RNF144B: variants seen among roughly 807,000 people sequenced by gnomAD.
RNF144B encodes E3 ubiquitin-protein ligase RNF144B.
A neutral mutation model predicts 40.2 loss-of-function variants in RNF144B; 25 were observed. That is an observed-to-expected ratio of 0.62 (90% confidence interval 0.45 to 0.87). The LOEUF (loss-of-function observed/expected upper bound fraction) is 0.87, where lower values mean the gene tolerates loss of function less well. RNF144B is among the 40% of genes least tolerant of loss of function. The probability of loss-of-function intolerance (pLI) is 0.00; values close to 1 mark genes in which losing one functional copy is unlikely to be tolerated. For synonymous variants in RNF144B, 145 were observed against 136.3 expected (o/e 1.06, Z -0.44); for missense variants, 365 against 373.7 (o/e 0.98, Z 0.19).
chr6:18,461,113 T>C (rs67804672), intron 6 of RNF144B, among the ~76,000 whole-genome samples: 2,656 of 152,238 alleles, frequency 0.017, 38 homozygotes, highest in Middle Eastern at 0.027. Context: ...TGATGTTTAA[T>C]GGAAAACTAG....
rs528405740 is a variant in RNF144B at position 18,465,290 on chromosome 6, A to G, written c.*223A>G. The G allele has an allele frequency of 4.6e-5, 26 of 559,534 alleles. No homozygotes were observed. The highest frequency in any genetic ancestry group is 7.6e-5 in the Non-Finnish European group (24 of 314,828). 34.7% of individuals were successfully genotyped at this position (559,534 alleles called of 1,614,324 possible). On this transcript the variant is annotated 3_prime_UTR_variant, in exon 8 of 8. Transcript: ENST00000259939. ...TGGGCTCAACGGTCCAGCTGTTTCT[A>G]TGGAGCTTTGGGGTTCCTTGAGATG...
chr6:18,449,420 A>G (rs1759158708), intron 4 of RNF144B, among the ~76,000 whole-genome samples: 1 of 152,184 alleles, frequency 6.6e-6, no homozygotes, highest in African/African-American at 2.4e-5. Flanking sequence ...TTTTCTTTAA[A>G]AATTATAAAG....
chr6:18,398,764 A>G lies in RNF144B; in HGVS notation c.-36-735A>G, dbSNP rs906410740. Among the ~76,000 whole-genome samples the G allele has an allele frequency of 6.6e-6, 1 of 152,178 alleles. No homozygotes were observed. On this transcript the variant is annotated intron_variant, in intron 1 of 7. Coordinates refer to ENST00000259939, the MANE Select transcript of RNF144B (RefSeq NM_182757.4). This position sits in a 1 kb window ranked among gnomAD's most constrained non-coding sequence, Gnocchi z 5.0. ...TATTGTGAATAATGTTGCTATGAATATGGGTGTACAAATATCTCTTTGAGA... is the reference window on the plus strand; with the variant it reads ...TATTGTGAATAATGTTGCTATGAATGTGGGTGTACAAATATCTCTTTGAGA...
rs1239844177 is a variant in RNF144B, at chr6:18,448,114, G to A, written c.331+8370G>A. Among the ~76,000 whole-genome samples the A allele has an allele frequency of 6.6e-6, 1 of 152,098 alleles. No individual in the cohort carries two copies. Among genetic ancestry groups the A allele is most frequent in the African/African-American group, 2.4e-5 (1 of 41,406 alleles). On this transcript the variant is annotated intron_variant, in intron 4 of 7. Coordinates refer to ENST00000259939, the MANE Select transcript of RNF144B (RefSeq NM_182757.4). The surrounding 1 kb of genome is among the most constrained non-coding windows in gnomAD (Gnocchi z 4.0). ...CTATGAGAAGAAAAATGGGTGCAGTGAATATATTAACTCTTTCAAGGAGTG... is the reference window on the plus strand; with the variant it reads ...CTATGAGAAGAAAAATGGGTGCAGTAAATATATTAACTCTTTCAAGGAGTG...
Position 18,468,772 on chromosome 6 carries a change from T to C in RNF144B, c.*3705T>C, listed in dbSNP as rs1049647414. On this transcript the variant is annotated 3_prime_UTR_variant, in exon 8 of 8. Coordinates refer to ENST00000259939, the MANE Select transcript of RNF144B (RefSeq NM_182757.4). Reference sequence around the variant, plus strand: ...TGTTGATTCATGATCCAGGAAGTTTTATGTATTTAAAAAATTGCTATCGTG... The same window carrying C: ...TGTTGATTCATGATCCAGGAAGTTTCATGTATTTAAAAAATTGCTATCGTG... The C allele has an allele frequency of 1.3e-5, 2 of 152,236 alleles. No homozygotes were observed. The highest frequency in any genetic ancestry group is 4.8e-5 in the African/African-American group (2 of 41,466). The allele number at this position is 152,236 out of a possible 1,614,324, so 9.4% of individuals were successfully genotyped here.
Position 18,395,609 on chromosome 6 carries a change from A to G in RNF144B, c.-36-3890A>G, listed in dbSNP as rs1794677436. Among the ~76,000 whole-genome samples the G allele has an allele frequency of 6.6e-6, 1 of 150,926 alleles. No individual in the cohort carries two copies. The highest frequency in any genetic ancestry group is 1.5e-5 in the Non-Finnish European group (1 of 67,794). On this transcript the variant is annotated intron_variant, in intron 1 of 7. Transcript: ENST00000259939. This position sits in a 1 kb window ranked among gnomAD's most constrained non-coding sequence, Gnocchi z 4.5. ...TTTTTTTAAATGAAGTGCTCACTGC[A>G]TTTCATTCATTTTTTTAACTATCCA...
At position 18,418,855 on chromosome 6, in the gene RNF144B, T is replaced by C. The variant is rs1795198314; in HGVS notation, c.166-8726T>C. Among the ~76,000 whole-genome samples, 1 of 152,150 alleles carries C rather than the reference T, an allele frequency of 6.6e-6. No individual in the cohort carries two copies. Among genetic ancestry groups the C allele is most frequent in the South Asian group, 2.1e-4 (1 of 4,818 alleles). ...TAATATACACTGACACCTGGATCCT[T>C]CTCTTAGAGAGTCTGAATTAATTGG... On this transcript the variant is annotated intron_variant, in intron 2 of 7. Coordinates refer to ENST00000259939, the MANE Select transcript of RNF144B (RefSeq NM_182757.4). This position sits in a 1 kb window ranked among gnomAD's most constrained non-coding sequence, Gnocchi z 5.2.
intron 1 of RNF144B, among the ~76,000 whole-genome samples, chr6:18,392,815 C>A (rs1794611776): frequency 6.6e-6 from 1 of 152,096 alleles, no homozygotes; most frequent in Non-Finnish European, 1.5e-5. Context: ...TAATCTATTT[C>A]ATTTTTTCAA....
intron 2 of RNF144B, among the ~76,000 whole-genome samples, chr6:18,413,608 G>A (rs1562045023): frequency 6.6e-6 from 1 of 152,150 alleles, no homozygotes; most frequent in Non-Finnish European, 1.5e-5. Context: ...TGTTGAAACT[G>A]AAGTCAAGGT....
intron 3 of RNF144B, among the ~76,000 whole-genome samples, chr6:18,437,035 C>A (rs1036562248): frequency 6.6e-6 from 1 of 151,226 alleles, no homozygotes; most frequent in African/African-American, 2.4e-5. Context: ...ATGTTTATTG[C>A]TTTCTAAGTA....
rs1759594432 is a variant in RNF144B at position 18,467,402 on chromosome 6, T to TTTG, written c.*2337_*2338insGTT. ...GTATCACTGAATTAGCTGCTTTTGT[T>TTTG]TTTTTTTTTTTTTTTTTGCCAGGGC... is the stretch of plus-strand genomic sequence containing the variant. On this transcript the variant is annotated 3_prime_UTR_variant, in exon 8 of 8. Coordinates refer to ENST00000259939, the MANE Select transcript of RNF144B (RefSeq NM_182757.4). The TTTG allele has an allele frequency of 7.8e-6, 1 of 128,046 alleles. No homozygotes were observed. The highest frequency in any genetic ancestry group is 2.7e-5 in the African/African-American group (1 of 37,682). The allele number at this position is 128,046 out of a possible 1,614,324, so 7.9% of individuals were successfully genotyped here. A position where few individuals can be genotyped will look rare whatever the true frequency, so the allele number is the denominator to read the frequency against.
intron 3 of RNF144B, among the ~76,000 whole-genome samples, chr6:18,435,386 A>C (rs1758794267): frequency 6.6e-6 from 1 of 151,412 alleles, no homozygotes; most frequent in Non-Finnish European, 1.5e-5. Flanking sequence ...TCTGCAGTCT[A>C]TGCTGACTGA....
In RNF144B at chr6:18,413,423, T is replaced by C. The variant is rs1239162772; in HGVS notation, c.165+13724T>C. Among the ~76,000 whole-genome samples, 4 of 151,576 alleles carry C rather than the reference T, an allele frequency of 2.6e-5. No individual in the cohort carries two copies. In the East Asian group the frequency reaches 7.7e-4, roughly 29 times the overall value. ...TTTTCAGAGAACAGAAAGTATGTAA[T>C]CAGAATATAGTGGTGGCCATGGCCT... On this transcript the variant is annotated intron_variant, in intron 2 of 7. Transcript: ENST00000259939.
intron 4 of RNF144B, among the ~76,000 whole-genome samples, chr6:18,455,093 A>G (rs9477747): frequency 5.9e-5 from 9 of 152,084 alleles, no homozygotes; most frequent in African/African-American, 2.2e-4. Flanking sequence ...GTTGTAATAG[A>G]TTGGAAGAAA....
intron 2 of RNF144B, among the ~76,000 whole-genome samples, chr6:18,413,746 G>A (rs1260464972): frequency 6.6e-6 from 1 of 152,180 alleles, no homozygotes; most frequent in African/African-American, 2.4e-5. Flanking sequence ...ATTCTTCTGT[G>A]TTGAGGGTGT....
At chr6:18,462,697 A>G (rs540155) in intron 6 of RNF144B, among the ~76,000 whole-genome samples, 126,790 of 149,722 alleles carry the variant, frequency 0.85, 53,484 homozygotes, top group East Asian at 0.98. Context: ...TTTGTGATGA[A>G]CTGCCTTTTG....
At chr6:18,453,463 T>C (rs1759259567) in intron 4 of RNF144B, among the ~76,000 whole-genome samples, 1 of 152,096 alleles carries the variant, frequency 6.6e-6, no homozygotes, top group Non-Finnish European at 1.5e-5. Context: ...TGTTTTTTTC[T>C]TACACTTAAC....
intron 2 of RNF144B, among the ~76,000 whole-genome samples, chr6:18,403,138 A>C (rs1794825216): frequency 6.6e-6 from 1 of 152,238 alleles, no homozygotes. Flanking sequence ...TAAATAACCC[A>C]AATATGAAAA....
At chr6:18,409,240 C>T (rs1794979981) in intron 2 of RNF144B, among the ~76,000 whole-genome samples, 1 of 151,556 alleles carries the variant, frequency 6.6e-6, no homozygotes, top group South Asian at 2.1e-4. Context: ...TTGCCAGGCA[C>T]AGTGGCGCAC....
Sources: allele counts gnomAD v4.1 joint callset (sites outside exome capture counted in the v4.1 genomes callset), GRCh38; gene constraint gnomAD v4.1.1; non-coding constraint Gnocchi (gnomAD v3.1); transcripts MANE v1.5; gene names NCBI Gene and HGNC (gene_info 2026-07-23, HGNC 2026-07-21).